NEDD4L: variants seen among roughly 807,000 people sequenced by gnomAD.
NEDD4L encodes NEDD4 like E3 ubiquitin protein ligase, also known as E3 ubiquitin-protein ligase NEDD4-like.
In NEDD4L, 54 loss-of-function variants were observed where a neutral mutation model predicts 148.9. That is an observed-to-expected ratio of 0.36 (90% CI 0.29 to 0.45). The LOEUF (loss-of-function observed/expected upper bound fraction) is 0.45, where lower values mean the gene tolerates loss of function less well. Ranked by LOEUF, NEDD4L falls within the 20% of genes least tolerant of loss-of-function variation. NEDD4L has a pLI of 1.00. For synonymous variants in NEDD4L, 433 were observed against 440.7 expected (o/e 0.98, Z 0.22); for missense variants, 856 against 1,233.8 (o/e 0.69, Z 4.59).
At chr18:58,374,952 A>C (rs17064918) in intron 24 of NEDD4L, among the ~76,000 whole-genome samples, 3,150 of 152,042 alleles carry the variant, frequency 0.021, 105 homozygotes, top group African/African-American at 0.069. Context: ...CAGCCTCCAG[A>C]ATTCCCAGGT....
At chr18:58,229,396 A>G (rs1204110833) in intron 2 of NEDD4L, among the ~76,000 whole-genome samples, 1 of 152,004 alleles carries the variant, frequency 6.6e-6, no homozygotes, top group African/African-American at 2.4e-5. Context: ...GCACGGTAAC[A>G]AAGTCCCTGT....
chr18:58,400,757 A>G lies in NEDD4L; in HGVS notation c.*4488A>G, dbSNP rs184000273. 9.8e-5 allele frequency: 15 copies of G among 152,310 alleles called. No homozygotes were observed. The South Asian group carries it at 1.0e-3, about 11-fold the overall frequency. 9.4% of individuals were successfully genotyped at this position (152,310 alleles called of 1,614,324 possible). The stretch of plus-strand genomic sequence containing the variant: ...ATCATCAGAAGCCTTCCTCGTGACC[A>G]TAACTCTGTGTCTGCAGATATGTGT... On this transcript the variant is annotated 3_prime_UTR_variant, in exon 31 of 31. Coordinates refer to ENST00000400345, the MANE Select transcript of NEDD4L (RefSeq NM_001144967.3).
intron 5 of NEDD4L, among the ~76,000 whole-genome samples, chr18:58,283,663 C>G (rs2053501316): frequency 6.6e-6 from 1 of 152,204 alleles, no homozygotes; most frequent in African/African-American, 2.4e-5. Flanking sequence ...TGGTGCTACA[C>G]AACATACCCT....
intron 1 of NEDD4L, chr18:58,046,290 G>A (rs1415119287): frequency 6.6e-6 from 1 of 151,954 alleles, no homozygotes; most frequent in African/African-American, 2.4e-5. Context: ...TCTTTGAGGA[G>A]CTTTCCCTTG....
intron 1 of NEDD4L, among the ~76,000 whole-genome samples, chr18:58,056,894 C>CTTTTTTTTT (rs74183230): frequency 4.8e-3 from 588 of 121,254 alleles, no homozygotes; most frequent in Non-Finnish European, 6.4e-3. Context: ...GCTATGCCCT[C>CTTTTTTTTT]TTTTTTTTTT....
chr18:58,061,907 TC>T (rs1201295519), intron 1 of NEDD4L, among the ~76,000 whole-genome samples: 1 of 146,126 alleles, frequency 6.8e-6, no homozygotes, highest in African/African-American at 2.5e-5. Context: ...TAGGAAGGTT[TC>T]TGATTCTTTT....
chr18:58,395,238 A>T (rs537697203), intron 30 of NEDD4L, among the ~76,000 whole-genome samples: 2 of 152,282 alleles, frequency 1.3e-5, no homozygotes, highest in Non-Finnish European at 2.9e-5. Flanking sequence ...CCCCCAACAC[A>T]TACACACACA....
intron 2 of NEDD4L, among the ~76,000 whole-genome samples, chr18:58,228,196 G>C (rs945217761): frequency 5.9e-5 from 9 of 152,186 alleles, no homozygotes; most frequent in Non-Finnish European, 1.0e-4. Context: ...AAGTGACCAA[G>C]GCATGGCCCT....
intron 1 of NEDD4L, among the ~76,000 whole-genome samples, chr18:58,051,907 T>C (rs528457834): frequency 1.3e-5 from 2 of 152,222 alleles, no homozygotes; most frequent in African/African-American, 2.4e-5. Context: ...TTTCTGTTTT[T>C]ACATTGTTTC....
intron 22 of NEDD4L, among the ~76,000 whole-genome samples, chr18:58,368,166 A>G (rs143880215): frequency 6.6e-6 from 1 of 152,246 alleles, no homozygotes. Context: ...GCAAGATTTG[A>G]TAACAGATGG....
intron 2 of NEDD4L, among the ~76,000 whole-genome samples, chr18:58,233,028 C>G (rs2045440751): frequency 6.6e-6 from 1 of 152,192 alleles, no homozygotes; most frequent in African/African-American, 2.4e-5. Flanking sequence ...CCAAAGACAT[C>G]TTTACAGGTT....
intron 1 of NEDD4L, among the ~76,000 whole-genome samples, chr18:58,050,496 C>T (rs2081819060): frequency 6.6e-6 from 1 of 150,810 alleles, no homozygotes; most frequent in Admixed American, 6.6e-5. Flanking sequence ...GGCAGTGGCT[C>T]ATGCCCGTAA....
At chr18:58,087,326 T>C (rs905514220) in intron 1 of NEDD4L, among the ~76,000 whole-genome samples, 9 of 152,218 alleles carry the variant, frequency 5.9e-5, no homozygotes, top group Admixed American at 4.6e-4. Flanking sequence ...TTTTCCTCTC[T>C]ACACCATCAT....
intron 18 of NEDD4L, among the ~76,000 whole-genome samples, chr18:58,351,491 T>C (rs1255751949): frequency 6.6e-6 from 1 of 152,270 alleles, no homozygotes; most frequent in Non-Finnish European, 1.5e-5. Context: ...CCTTATTTTC[T>C]ATTCACGGCA....
At chr18:58,280,726 T>G (rs1051414833) in intron 5 of NEDD4L, among the ~76,000 whole-genome samples, 2 of 152,152 alleles carry the variant, frequency 1.3e-5, no homozygotes, top group Admixed American at 1.3e-4. Flanking sequence ...TAAAATTATG[T>G]TAAATACATT....
intron 5 of NEDD4L, among the ~76,000 whole-genome samples, chr18:58,279,445 T>C (rs898119999): frequency 1.9e-4 from 29 of 152,182 alleles, no homozygotes; most frequent in African/African-American, 7.0e-4. Context: ...ATAGGATTTA[T>C]ACTTGCAAAG....
chr18:58,300,189 G>T (rs2056278459), intron 5 of NEDD4L, among the ~76,000 whole-genome samples: 1 of 152,210 alleles, frequency 6.6e-6, no homozygotes, highest in Non-Finnish European at 1.5e-5. Flanking sequence ...TTCTAAGGTT[G>T]TTGTGAGGAT....
chr18:58,068,197 TTTTTTTTTTTG>T lies in NEDD4L; in HGVS notation c.48+23494_48+23504del, dbSNP rs1447209383. Among the ~76,000 whole-genome samples, 1,227 of 124,168 alleles carry T rather than the reference TTTTTTTTTTTG, an allele frequency of 9.9e-3. 19 individuals carry two copies. The highest frequency in any genetic ancestry group is 0.047 in the African/African-American group (1,173 of 24,952). 81.5% of individuals were successfully genotyped at this position (124,168 alleles called of 152,430 possible). On this transcript the variant is annotated intron_variant, in intron 1 of 30. Coordinates refer to ENST00000400345, the MANE Select transcript of NEDD4L (RefSeq NM_001144967.3). ...TCTTGAACTCCTAGAATTCTTTTTT[TTTTTTTTTTTG>T]TTTTGTTTTGAGACGGAGTCTCGCT...
intron 5 of NEDD4L, among the ~76,000 whole-genome samples, chr18:58,276,434 C>A (rs1160893160): frequency 6.6e-6 from 1 of 151,954 alleles, no homozygotes; most frequent in East Asian, 1.9e-4. Context: ...GTCTTGAACT[C>A]CTGACCTCGG....
Sources: allele counts gnomAD v4.1 joint callset (sites outside exome capture counted in the v4.1 genomes callset), GRCh38; gene constraint gnomAD v4.1.1; transcripts MANE v1.5; gene names NCBI Gene and HGNC (gene_info 2026-07-23, HGNC 2026-07-21).